The following SORCS1 variants were observed in gnomAD, a reference collection of about 807,000 sequenced individuals.
SORCS1 encodes the protein sortilin related VPS10 domain containing receptor 1.
SORCS1 carries 60 observed loss-of-function variants against 146.1 expected under a neutral mutation model. The ratio of observed to expected loss-of-function variants is 0.41; its 90% confidence interval spans 0.33 to 0.51. The LOEUF is 0.51. Among genes scored for constraint, SORCS1 ranks in the 20% least tolerant of loss-of-function variants. The pLI, the probability that SORCS1 is intolerant of heterozygous loss-of-function variation, is 0.21. For synonymous variants in SORCS1, 637 were observed against 584.0 expected, an observed-to-expected ratio of 1.09 and a Z score of -1.31; for missense variants, 1,352 against 1,487.6, an observed-to-expected ratio of 0.91 and a Z score of 1.50.
At chr10:106,758,544 G>A (rs1858834298) in intron 5 of SORCS1, among the ~76,000 whole-genome samples, 3 of 152,150 alleles carry the variant, frequency 2.0e-5, no homozygotes, top group Admixed American at 2.0e-4. Context: ...GGATAAACTA[G>A]GGGGACAACA....
chr10:106,996,240 A>G (rs1156954131), intron 1 of SORCS1, among the ~76,000 whole-genome samples: 1 of 53,154 alleles, frequency 1.9e-5, no homozygotes, highest in Admixed American at 2.2e-4. Flanking sequence ...AAAAAAAAAA[A>G]AAAAAAAAAT....
At chr10:106,622,188 G>A (rs1847791839) in intron 19 of SORCS1, among the ~76,000 whole-genome samples, 1 of 150,898 alleles carries the variant, frequency 6.6e-6, no homozygotes, top group African/African-American at 2.4e-5. Context: ...TACTCAGGAG[G>A]CTGAGGCAGG....
At chr10:106,930,864 A>G (rs1953382903) in intron 2 of SORCS1, among the ~76,000 whole-genome samples, 1 of 152,256 alleles carries the variant, frequency 6.6e-6, no homozygotes. Flanking sequence ...AGCCTTCTCA[A>G]TCAAGACATG....
chr10:106,629,728 G>T (rs1226702000), intron 18 of SORCS1, among the ~76,000 whole-genome samples: 1 of 152,164 alleles, frequency 6.6e-6, no homozygotes, highest in Non-Finnish European at 1.5e-5. Context: ...AGGATAAAAG[G>T]TGTACACACA....
In SORCS1 at chr10:106,978,797, CAA is replaced by C. The variant is rs35921955; in HGVS notation, c.559-22219_559-22218del. 2.2e-3 allele frequency among the ~76,000 whole-genome samples: 276 copies of C among 127,330 alleles called. 1 individual carries two copies. The highest frequency in any genetic ancestry group is 4.2e-3 in the Middle Eastern group (1 of 238). 83.5% of individuals were successfully genotyped at this position (127,330 alleles called of 152,430 possible). Reference sequence around the variant, plus strand: ...TGGGCGACAGAATGAGACTCCATCTCAAAAAAAAAAAAAAAGACTAAATAGTA... The same window carrying C: ...TGGGCGACAGAATGAGACTCCATCTCAAAAAAAAAAAAAGACTAAATAGTA... On this transcript the variant is annotated intron_variant, in intron 1 of 25. Transcript: ENST00000263054.
intron 5 of SORCS1, among the ~76,000 whole-genome samples, chr10:106,746,415 G>C (rs1857748848): frequency 6.6e-6 from 1 of 152,164 alleles, no homozygotes; most frequent in African/African-American, 2.4e-5. Flanking sequence ...ACATGAATTA[G>C]AGCAAAGCCA....
At chr10:106,784,581 CA>C (rs896217798) in intron 3 of SORCS1, among the ~76,000 whole-genome samples, 4 of 152,126 alleles carry the variant, frequency 2.6e-5, no homozygotes, top group African/African-American at 9.7e-5. Context: ...CTTCCATCAA[CA>C]TTACAAGTCC....
At chr10:107,051,598 G>A (rs1231302539) in intron 1 of SORCS1, among the ~76,000 whole-genome samples, 11 of 152,110 alleles carry the variant, frequency 7.2e-5, no homozygotes, top group Non-Finnish European at 1.5e-4. Context: ...ATCTTTTGAA[G>A]CCCATTTGTA....
At chr10:107,036,770 A>T (rs1958924466) in intron 1 of SORCS1, among the ~76,000 whole-genome samples, 1 of 152,210 alleles carries the variant, frequency 6.6e-6, no homozygotes, top group South Asian at 2.1e-4. Flanking sequence ...CCCTCTGTGA[A>T]AATATCTGTA....
chr10:106,888,602 T>G (rs2137841087), intron 2 of SORCS1, among the ~76,000 whole-genome samples: 1 of 152,348 alleles, frequency 6.6e-6, no homozygotes, highest in African/African-American at 2.4e-5. Flanking sequence ...AGGGTAGTAA[T>G]AACGTGCCTT....
intron 1 of SORCS1, among the ~76,000 whole-genome samples, chr10:107,158,273 T>C (rs948238248): frequency 2.6e-5 from 4 of 152,236 alleles, no homozygotes; most frequent in Non-Finnish European, 5.9e-5. Context: ...GATTGATGTG[T>C]ATATTTTTTG....
intron 23 of SORCS1, among the ~76,000 whole-genome samples, chr10:106,597,932 A>T (rs773933712): frequency 2.4e-4 from 37 of 152,338 alleles, no homozygotes; most frequent in Middle Eastern, 3.4e-3. Flanking sequence ...ATTGAAACAA[A>T]GTACAGCCAC....
chr10:106,857,965 CAT>C, intron 2 of SORCS1, among the ~76,000 whole-genome samples: 1 of 152,294 alleles, frequency 6.6e-6, no homozygotes, highest in East Asian at 1.9e-4. Flanking sequence ...TCAGCCTAAA[CAT>C]ATAATTCAAA....
chr10:106,744,550 C>T (rs1251468017), intron 5 of SORCS1, among the ~76,000 whole-genome samples: 3 of 152,132 alleles, frequency 2.0e-5, no homozygotes, highest in Admixed American at 6.5e-5. Context: ...AAGTTTAAGT[C>T]CATAAGGTAT....
intron 1 of SORCS1, among the ~76,000 whole-genome samples, chr10:107,004,913 A>G (rs1332113216): frequency 1.3e-5 from 2 of 152,172 alleles, no homozygotes; most frequent in Admixed American, 6.5e-5. Context: ...AAAGAAAGCC[A>G]AAGCAGTGAC....
At chr10:106,782,024 A>C (rs1158616838) in intron 3 of SORCS1, among the ~76,000 whole-genome samples, 1 of 152,236 alleles carries the variant, frequency 6.6e-6, no homozygotes, top group Non-Finnish European at 1.5e-5. Context: ...CCATCCTTCC[A>C]AACTCAGCGA....
At chr10:107,022,237 A>G (rs1248604960) in intron 1 of SORCS1, among the ~76,000 whole-genome samples, 1 of 152,158 alleles carries the variant, frequency 6.6e-6, no homozygotes, top group Non-Finnish European at 1.5e-5. Context: ...CATTTCTTCC[A>G]AAGAACTCTG....
intron 2 of SORCS1, among the ~76,000 whole-genome samples, chr10:106,912,408 G>A (rs1952211217): frequency 6.6e-6 from 1 of 151,990 alleles, no homozygotes; most frequent in Non-Finnish European, 1.5e-5. Context: ...GGAAGATCTT[G>A]TTAAAGTGTG....
At chr10:106,801,524 A>AT (rs34849434) in intron 3 of SORCS1, among the ~76,000 whole-genome samples, 10,579 of 113,878 alleles carry the variant, frequency 0.093, 1,004 homozygotes, top group African/African-American at 0.2. Flanking sequence ...TAGTATAGCC[A>AT]TTTTTTTTTT....
Sources: allele counts gnomAD v4.1 joint callset (sites outside exome capture counted in the v4.1 genomes callset), GRCh38; gene constraint gnomAD v4.1.1; transcripts MANE v1.5; gene names NCBI Gene and HGNC (gene_info 2026-07-23, HGNC 2026-07-21).